Variants in NEGR1 observed in about 807,000 individuals in gnomAD.
The protein encoded by NEGR1 is IgLON family member 4.
A neutral mutation model predicts 40.9 loss-of-function variants in NEGR1; 10 were observed. That is an observed-to-expected ratio of 0.24 (90% CI 0.15 to 0.42). The LOEUF (loss-of-function observed/expected upper bound fraction) is 0.42, where lower values mean the gene tolerates loss of function less well. Ranked by LOEUF, NEGR1 falls within the 10% of genes least tolerant of loss-of-function variation. NEGR1 has a pLI of 1.00. For missense variants in NEGR1, 352 were observed against 438.9 expected (o/e 0.80, Z 1.77); for synonymous variants, 185 against 166.8 (o/e 1.11, Z -0.84).
intron 1 of NEGR1, among the ~76,000 whole-genome samples, chr1:72,128,797 A>G (rs911587224): frequency 1.3e-5 from 2 of 152,172 alleles, no homozygotes; most frequent in African/African-American, 4.8e-5. Context: ...TATGCCCGTG[A>G]TGGTGTTTCT....
intron 1 of NEGR1, among the ~76,000 whole-genome samples, chr1:72,099,496 G>A (rs967731232): frequency 4.0e-4 from 61 of 151,776 alleles, no homozygotes; most frequent in African/African-American, 1.5e-3. Context: ...TTTCTAACTT[G>A]GTAATATAAA....
intron 6 of NEGR1, among the ~76,000 whole-genome samples, chr1:71,590,611 C>T (rs6659001): frequency 0.014 from 2,090 of 152,136 alleles, 61 homozygotes; most frequent in African/African-American, 0.047. Flanking sequence ...CATTTGGCTT[C>T]AGCCACATTT....
intron 4 of NEGR1, among the ~76,000 whole-genome samples, chr1:71,687,202 G>A (rs976699189): frequency 3.3e-5 from 5 of 152,072 alleles, no homozygotes; most frequent in African/African-American, 1.2e-4. Flanking sequence ...TGGGGAGGAG[G>A]CTTAAGATAT....
At position 71,400,100 on chromosome 1, in the gene NEGR1, C is replaced by T. The variant is rs567160515; in HGVS notation, c.*7346G>A. 1.3e-5 allele frequency: 2 copies of T among 152,218 alleles called. No individual in the cohort carries two copies. The highest frequency in any genetic ancestry group is 3.9e-4 in the East Asian group (2 of 5,182). The allele number at this position is 152,218 out of a possible 1,614,324, so 9.4% of individuals were successfully genotyped here. A position where few individuals can be genotyped will look rare whatever the true frequency, so the allele number is the denominator to read the frequency against. ...TAAAAAGTCAAAATTGATGAAGAAA[C>T]TGGCAAATTCAAATTTCCACCAAGG... On this transcript the variant is annotated 3_prime_UTR_variant, in exon 7 of 7. Coordinates refer to ENST00000357731, the MANE Select transcript of NEGR1 (RefSeq NM_173808.3).
chr1:71,691,813 C>T (rs1254366823), intron 4 of NEGR1, among the ~76,000 whole-genome samples: 1 of 151,424 alleles, frequency 6.6e-6, no homozygotes, highest in African/African-American at 2.4e-5. Flanking sequence ...ACATTCTGTC[C>T]CATAACTCTT....
At chr1:72,159,100 G>A (rs1570056888) in intron 1 of NEGR1, among the ~76,000 whole-genome samples, 1 of 152,190 alleles carries the variant, frequency 6.6e-6, no homozygotes, top group Non-Finnish European at 1.5e-5. Context: ...GTTTAGACAT[G>A]AGCATTTTCT....
chr1:71,985,761 C>A (rs887992881), intron 1 of NEGR1, among the ~76,000 whole-genome samples: 2 of 152,078 alleles, frequency 1.3e-5, no homozygotes, highest in African/African-American at 4.8e-5. Context: ...TTAAGAATAT[C>A]ATTTATTTTC....
intron 6 of NEGR1, among the ~76,000 whole-genome samples, chr1:71,551,228 C>A (rs1450043141): frequency 1.3e-5 from 2 of 151,470 alleles, no homozygotes; most frequent in Non-Finnish European, 3.0e-5. Flanking sequence ...CCATTAAAGA[C>A]AATTATGAAA....
At chr1:71,668,843 A>G (rs955601432) in intron 4 of NEGR1, among the ~76,000 whole-genome samples, 3 of 152,156 alleles carry the variant, frequency 2.0e-5, no homozygotes, top group African/African-American at 7.2e-5. Flanking sequence ...CAGGGAATGG[A>G]GGGAATGTTC....
At chr1:71,803,025 C>T (rs1170313232) in intron 2 of NEGR1, among the ~76,000 whole-genome samples, 1 of 152,086 alleles carries the variant, frequency 6.6e-6, no homozygotes, top group Non-Finnish European at 1.5e-5. Flanking sequence ...GGAAATGGGG[C>T]AGAGGTGAGA....
intron 3 of NEGR1, among the ~76,000 whole-genome samples, chr1:71,700,553 A>G (rs1653654489): frequency 6.6e-6 from 1 of 152,070 alleles, no homozygotes; most frequent in Non-Finnish European, 1.5e-5. Context: ...GCTTAAAACC[A>G]GTAAATTAAC....
chr1:71,976,790 G>T (rs1646308518), intron 1 of NEGR1, among the ~76,000 whole-genome samples: 1 of 152,054 alleles, frequency 6.6e-6, no homozygotes, highest in Non-Finnish European at 1.5e-5. Flanking sequence ...AAAAGTAATA[G>T]ATATGTTTTG....
intron 1 of NEGR1, among the ~76,000 whole-genome samples, chr1:72,000,784 C>T (rs1646550278): frequency 6.6e-6 from 1 of 152,092 alleles, no homozygotes; most frequent in Middle Eastern, 3.2e-3. Flanking sequence ...TACGCTATCA[C>T]TGTCATTTAT....
At chr1:71,979,701 A>T in intron 1 of NEGR1, among the ~76,000 whole-genome samples, 1 of 152,186 alleles carries the variant, frequency 6.6e-6, no homozygotes, top group East Asian at 1.9e-4. Context: ...ACAAAAAAGA[A>T]GGATGAAAAC....
At chr1:71,991,273 C>A (rs1362808795) in intron 1 of NEGR1, among the ~76,000 whole-genome samples, 1 of 152,066 alleles carries the variant, frequency 6.6e-6, no homozygotes, top group Non-Finnish European at 1.5e-5. Flanking sequence ...CCTCTATAAT[C>A]TTCTTAATAC....
chr1:72,060,669 T>G (rs577355993), intron 1 of NEGR1, among the ~76,000 whole-genome samples: 13 of 151,766 alleles, frequency 8.6e-5, no homozygotes, highest in Admixed American at 4.6e-4. Context: ...TTCTGTGACA[T>G]TCAATTTGAG....
At chr1:71,536,046 C>A (rs1647499176) in intron 6 of NEGR1, among the ~76,000 whole-genome samples, 1 of 151,420 alleles carries the variant, frequency 6.6e-6, no homozygotes, top group Non-Finnish European at 1.5e-5. Flanking sequence ...GCATATGAAA[C>A]AATGAAGAAG....
chr1:71,665,219 T>A (rs904309349), intron 4 of NEGR1, among the ~76,000 whole-genome samples: 5 of 152,208 alleles, frequency 3.3e-5, no homozygotes, highest in Non-Finnish European at 7.3e-5. Flanking sequence ...AACTATAGTT[T>A]TCTTTACACA....
At chr1:71,705,224 G>A (rs962171743) in intron 3 of NEGR1, among the ~76,000 whole-genome samples, 21 of 151,844 alleles carry the variant, frequency 1.4e-4, no homozygotes, top group South Asian at 2.1e-4. Context: ...CCTATATCTC[G>A]TACTTTATAC....
Sources: allele counts gnomAD v4.1 joint callset (sites outside exome capture counted in the v4.1 genomes callset), GRCh38; gene constraint gnomAD v4.1.1; transcripts MANE v1.5; gene names NCBI Gene and HGNC (gene_info 2026-07-23, HGNC 2026-07-21).